PHTF2: variants seen among roughly 807,000 people sequenced by gnomAD.
PHTF2 encodes the protein putative homeodomain transcription factor 2, also known as protein PHTF2.
Under a neutral mutation model 101.2 loss-of-function variants are expected in PHTF2, and 60 were observed. The ratio of observed to expected loss-of-function variants is 0.59; its 90% CI spans 0.48 to 0.73. The LOEUF (loss-of-function observed/expected upper bound fraction) is 0.73. Ranked by LOEUF, PHTF2 falls within the 30% of genes least tolerant of loss-of-function variation. The pLI is 0.00. For missense variants in PHTF2, 747 were observed against 908.7 expected, an observed-to-expected ratio of 0.82 and a Z score of 2.29; for synonymous variants, 311 against 307.3, an observed-to-expected ratio of 1.01 and a Z score of -0.13.
At chr7:77,933,013 T>A (rs111878856) in intron 12 of PHTF2, among the ~76,000 whole-genome samples, 2 of 152,040 alleles carry the variant, frequency 1.3e-5, no homozygotes, top group African/African-American at 4.8e-5. Flanking sequence ...CCGAGGCGGG[T>A]GGATCACAAG....
chr7:77,875,396 T>G (rs983778384), intron 3 of PHTF2, among the ~76,000 whole-genome samples: 1 of 152,064 alleles, frequency 6.6e-6, no homozygotes, highest in African/African-American at 2.4e-5. Context: ...AACAGTCATC[T>G]TCTTTAAAAT....
At chr7:77,850,176 C>T (rs1251905437) in intron 2 of PHTF2, among the ~76,000 whole-genome samples, 2 of 148,020 alleles carry the variant, frequency 1.4e-5, no homozygotes, top group Admixed American at 1.4e-4. Flanking sequence ...CATGGCTCAA[C>T]CCTGTCTCTA....
At chr7:77,854,815 G>C in exon 3 of PHTF2, 1 of 758,770 alleles carries the variant, frequency 1.3e-6, no homozygotes, top group Non-Finnish European at 2.4e-6. Context: ...AAGGACCAAG[G>C]GCTCTTCATT....
At chr7:77,837,134 A>G (rs944079960) in intron 1 of PHTF2, among the ~76,000 whole-genome samples, 1 of 152,210 alleles carries the variant, frequency 6.6e-6, no homozygotes, top group Non-Finnish European at 1.5e-5. Context: ...AAGATTATGC[A>G]TCATAATACC....
At chr7:77,938,164 A>T (rs547890722) in intron 13 of PHTF2, among the ~76,000 whole-genome samples, 2 of 152,114 alleles carry the variant, frequency 1.3e-5, no homozygotes, top group African/African-American at 2.4e-5. Context: ...TGGACTAGAG[A>T]TTGTTGTTAC....
At chr7:77,803,690 T>TGC (rs1463961571) in intron 1 of PHTF2, among the ~76,000 whole-genome samples, 1 of 76,710 alleles carries the variant, frequency 1.3e-5, no homozygotes, top group Non-Finnish European at 2.4e-5. Flanking sequence ...TGAACAGGCG[T>TGC]GTGTGTGTGT....
At chr7:77,862,597 T>G (rs1328732234) in intron 3 of PHTF2, among the ~76,000 whole-genome samples, 1 of 152,220 alleles carries the variant, frequency 6.6e-6, no homozygotes, top group Non-Finnish European at 1.5e-5. Flanking sequence ...AGAGCTGAAG[T>G]TCTTTATTGA....
intron 7 of PHTF2, among the ~76,000 whole-genome samples, chr7:77,902,154 A>G (rs1801453277): frequency 6.6e-6 from 1 of 152,190 alleles, no homozygotes; most frequent in African/African-American, 2.4e-5. Context: ...GAAATCGAGA[A>G]GATTTTTTAA....
intron 16 of PHTF2, among the ~76,000 whole-genome samples, chr7:77,945,472 C>T (rs1805971491): frequency 6.8e-6 from 1 of 146,156 alleles, no homozygotes; most frequent in Admixed American, 6.9e-5. Flanking sequence ...ATGTATTAGG[C>T]AATAAAGTAA....
intron 5 of PHTF2, among the ~76,000 whole-genome samples, chr7:77,899,437 A>C (rs1801182871): frequency 6.6e-6 from 1 of 151,958 alleles, no homozygotes; most frequent in South Asian, 2.1e-4. Flanking sequence ...AAGAAATTTT[A>C]CCAAGTAGGT....
At chr7:77,940,805 G>A in intron 15 of PHTF2, 146 bp downstream of exon 14, 1 of 536,236 alleles carries the variant, frequency 1.9e-6, no homozygotes, top group Non-Finnish European at 3.2e-6. Context: ...GTTTCTACTA[G>A]CCTGGTTGTC....
chr7:77,810,752 G>A (rs950670939), intron 1 of PHTF2, among the ~76,000 whole-genome samples: 8 of 151,846 alleles, frequency 5.3e-5, no homozygotes, highest in African/African-American at 1.9e-4. Flanking sequence ...TAGCCAGGCT[G>A]GTCTCAAACT....
intron 2 of PHTF2, among the ~76,000 whole-genome samples, chr7:77,851,786 G>A (rs148281341): frequency 1.4e-3 from 220 of 151,930 alleles, no homozygotes; most frequent in African/African-American, 5.1e-3. Context: ...AGTTATTTAC[G>A]ATGCACTGTT....
At chr7:77,872,931 A>G (rs1798636512) in intron 3 of PHTF2, among the ~76,000 whole-genome samples, 1 of 152,038 alleles carries the variant, frequency 6.6e-6, no homozygotes, top group Non-Finnish European at 1.5e-5. Flanking sequence ...ATAAACTATT[A>G]GAACCTTTTT....
chr7:77,859,466 T>C (rs1474653980), intron 3 of PHTF2, among the ~76,000 whole-genome samples: 1 of 152,178 alleles, frequency 6.6e-6, no homozygotes, highest in Non-Finnish European at 1.5e-5. Flanking sequence ...AAAGTTACGA[T>C]TGTCGAACAC....
At chr7:77,954,612 G>GTGTATGTATATATATATA (rs1426693429) in intron 19 of PHTF2, among the ~76,000 whole-genome samples, 1 of 90,194 alleles carries the variant, frequency 1.1e-5, no homozygotes, top group Non-Finnish European at 2.1e-5. Flanking sequence ...CAAGTACTGT[G>GTGTATGTATATATATATA]TATATATATA....
At chr7:77,856,410 C>T (rs992542655) in intron 3 of PHTF2, among the ~76,000 whole-genome samples, 1 of 152,002 alleles carries the variant, frequency 6.6e-6, no homozygotes, top group African/African-American at 2.4e-5. Context: ...GGCTAGAGTA[C>T]AGTGGTGTGC....
intron 1 of PHTF2, among the ~76,000 whole-genome samples, chr7:77,836,059 G>A (rs900400261): frequency 1.1e-4 from 16 of 147,668 alleles, no homozygotes; most frequent in Admixed American, 2.1e-4. Flanking sequence ...CAGAGGTTGC[G>A]GTGAGCTGAG....
At chr7:77,864,651 A>T (rs1358522373) in intron 3 of PHTF2, among the ~76,000 whole-genome samples, 1 of 152,006 alleles carries the variant, frequency 6.6e-6, no homozygotes, top group African/African-American at 2.4e-5. Flanking sequence ...TGCTCCTTAA[A>T]ACTCAAAGCT....
Sources: allele counts gnomAD v4.1 joint callset (sites outside exome capture counted in the v4.1 genomes callset), GRCh38; gene constraint gnomAD v4.1.1; transcripts MANE v1.5; gene names NCBI Gene and HGNC (gene_info 2026-07-23, HGNC 2026-07-21).